Variants in CPSF7 observed in about 807,000 individuals in gnomAD.
CPSF7 encodes cleavage and polyadenylation specificity factor subunit 7.
Under a neutral mutation model 44.3 loss-of-function variants are expected in CPSF7, and 1 was observed. That is an observed-to-expected ratio of 0.02 (90% confidence interval 0.01 to 0.11). The LOEUF (loss-of-function observed/expected upper bound fraction) is 0.11. CPSF7 is among the 10% of genes least tolerant of loss of function. The probability of loss-of-function intolerance (pLI) is 1.00; values close to 1 mark genes in which losing one functional copy is unlikely to be tolerated. For missense variants in CPSF7, 443 were observed against 607.2 expected, an observed-to-expected ratio of 0.73 and a Z score of 2.84; for synonymous variants, 202 against 222.0, an observed-to-expected ratio of 0.91 and a Z score of 0.80.
intron 3 of CPSF7, chr11:61,420,917 A>T (rs988164731): frequency 1.8e-5 from 9 of 511,096 alleles, no homozygotes; most frequent in Non-Finnish European, 2.9e-5. Flanking sequence ...CTTCCCCCAC[A>T]GTAAATATAC....
At chr11:61,419,138 TCA>T (rs1288767883) in intron 5 of CPSF7, among the ~76,000 whole-genome samples, 1 of 152,180 alleles carries the variant, frequency 6.6e-6, no homozygotes, top group Non-Finnish European at 1.5e-5. Flanking sequence ...TTCTCCTGCC[TCA>T]GTCTCCCGTG....
rs1861695880 is a variant in CPSF7 at position 61,429,257 on chromosome 11, A to G, written c.-22T>C. On this transcript the variant is annotated 5_prime_UTR_variant, in exon 2 of 10. Transcript: ENST00000439958. ...ACATGGCTCCGGAAGGAAGATCGCG[A>G]GTCCGGAGGATGGACAAAGTAAGGA... 1.2e-6 allele frequency: 2 copies of G among 1,613,362 alleles called. No individual in the cohort carries two copies. Among genetic ancestry groups the G allele is most frequent in the Middle Eastern group, 1.6e-4 (1 of 6,084 alleles).
At position 61,413,141 on chromosome 11, in the gene CPSF7, T is replaced by C. The variant is rs189456860; in HGVS notation, c.1058-1204A>G. Among the ~76,000 whole-genome samples the C allele has an allele frequency of 3.2e-3, 486 of 152,100 alleles. 1 individual carries two copies. Among genetic ancestry groups the C allele is most frequent in the African/African-American group, 0.011 (463 of 41,494 alleles). On this transcript the variant is annotated intron_variant, in intron 7 of 9. Coordinates refer to ENST00000439958, the MANE Select transcript of CPSF7 (RefSeq NM_001142565.3). The stretch of plus-strand genomic sequence containing the variant: ...GGTCTCACTATGTTGACCAGGCTGG[T>C]CTTGAATTCCTGGCCTCAAGTGATC...
chr11:61,411,983 AAACT>A, intron 7 of CPSF7, 46 bp from the exon 8 acceptor site: 3 of 1,558,118 alleles, frequency 1.9e-6, no homozygotes, highest in South Asian at 2.2e-5. Context: ...GAGAGATGGT[AAACT>A]AACTGGACCA....
At chr11:61,420,748 A>G (rs1860786124) in intron 3 of CPSF7, 175 bp from the exon 4 acceptor site, 1 of 609,328 alleles carries the variant, frequency 1.6e-6, no homozygotes, top group Non-Finnish European at 2.9e-6. Context: ...CAGAATTCCA[A>G]ACCCACTCAC....
At chr11:61,416,656 C>T in intron 5 of CPSF7, 137 bp from the exon 6 acceptor site, 1 of 879,582 alleles carries the variant, frequency 1.1e-6, no homozygotes, top group Non-Finnish European at 1.7e-6. Context: ...TCATCTACTG[C>T]CTTTTTTTTG....
At chr11:61,408,862 CCTG>C (rs1429640151) in intron 9 of CPSF7, among the ~76,000 whole-genome samples, 1 of 152,200 alleles carries the variant, frequency 6.6e-6, no homozygotes, top group African/African-American at 2.4e-5. Flanking sequence ...TCCCAACCTT[CCTG>C]CTTTCATTTT....
At chr11:61,411,709 C>T in intron 8 of CPSF7, 60 bp downstream of exon 8, 3 of 1,499,596 alleles carry the variant, frequency 2.0e-6, no homozygotes, top group Non-Finnish European at 2.7e-6. Context: ...TGTCCCCACT[C>T]CCTATCCCTG....
Position 61,420,587 on chromosome 11 carries a change from G to C in CPSF7, c.274-14C>G. The C allele has an allele frequency of 6.2e-7, 1 of 1,603,028 alleles. No homozygotes were observed. The highest frequency in any genetic ancestry group is 8.5e-7 in the Non-Finnish European group (1 of 1,169,920). Reference sequence around the variant, plus strand: ...GTCTGTGGTCCACTGGGGCCGGCAAGATGGAAAAGGAAGAGATGTCAAGAG... The same window carrying C: ...GTCTGTGGTCCACTGGGGCCGGCAACATGGAAAAGGAAGAGATGTCAAGAG... On this transcript the variant is annotated splice_polypyrimidine_tract_variant and intron_variant, in intron 3 of 9. Transcript: ENST00000439958.
intron 5 of CPSF7, among the ~76,000 whole-genome samples, chr11:61,419,417 T>C (rs1186656525): frequency 1.3e-5 from 2 of 152,190 alleles, no homozygotes. Flanking sequence ...GCTGGAGAAA[T>C]ATTGTTCAAG....
chr11:61,429,877 C>G, intron 1 of CPSF7, 37 bp downstream of exon 1: 1 of 1,531,512 alleles, frequency 6.5e-7, no homozygotes, highest in Non-Finnish European at 8.8e-7. Flanking sequence ...GACCCCTCTT[C>G]CGGCCCAACC....
intron 7 of CPSF7, 70 bp downstream of exon 7, chr11:61,415,596 T>C (rs1243019700): frequency 3.9e-6 from 4 of 1,018,688 alleles, no homozygotes; most frequent in Non-Finnish European, 4.7e-6. Flanking sequence ...CTTTTGCCAG[T>C]AGAAATGACA....
chr11:61,411,430 G>C (rs1483083591), intron 8 of CPSF7, among the ~76,000 whole-genome samples: 1 of 152,142 alleles, frequency 6.6e-6, no homozygotes, highest in African/African-American at 2.4e-5. Flanking sequence ...GGCTTGGAAA[G>C]TTGACTAACT....
intron 2 of CPSF7, chr11:61,427,464 C>A (rs143383337): frequency 6.6e-6 from 1 of 152,044 alleles, no homozygotes; most frequent in East Asian, 1.9e-4. Flanking sequence ...ACCAACCTGG[C>A]CAACATGGTG....
At chr11:61,416,556 C>T in intron 5 of CPSF7, 37 bp from the exon 6 acceptor site, 1 of 1,605,976 alleles carries the variant, frequency 6.2e-7, no homozygotes, top group Non-Finnish European at 8.5e-7. Context: ...ACTGCCCAGG[C>T]TTTACACAAA....
chr11:61,407,037 TTGAAG>T (rs1366471679), intron 9 of CPSF7, among the ~76,000 whole-genome samples: 1 of 152,174 alleles, frequency 6.6e-6, no homozygotes, highest in East Asian at 1.9e-4. Flanking sequence ...TCCCAAAGTG[TTGAAG>T]TTACAGGCAT....
At chr11:61,420,264 G>C (rs1860742845) in intron 4 of CPSF7, among the ~76,000 whole-genome samples, 170 bp from the exon 5 acceptor site, 2 of 152,068 alleles carry the variant, frequency 1.3e-5, no homozygotes, top group African/African-American at 4.8e-5. Flanking sequence ...TATTTTTTTG[G>C]AATTAAAAAT....
intron 9 of CPSF7, among the ~76,000 whole-genome samples, chr11:61,405,329 CCA>C (rs1336001386): frequency 6.6e-6 from 1 of 152,092 alleles, no homozygotes; most frequent in Non-Finnish European, 1.5e-5. Context: ...AAACACAGCC[CCA>C]GAGGTTTTCC....
chr11:61,423,568 G>A (rs569643445), intron 2 of CPSF7, among the ~76,000 whole-genome samples: 74 of 152,300 alleles, frequency 4.9e-4, no homozygotes, highest in African/African-American at 1.3e-3. Flanking sequence ...CTGCCAAAAT[G>A]ACAGAGACAG....
Sources: allele counts gnomAD v4.1 joint callset (sites outside exome capture counted in the v4.1 genomes callset), GRCh38; gene constraint gnomAD v4.1.1; transcripts MANE v1.5; gene names NCBI Gene and HGNC (gene_info 2026-07-23, HGNC 2026-07-21).